The following WWTR1 variants were observed in gnomAD, a reference collection of about 807,000 sequenced individuals.
The protein encoded by WWTR1 is WW domain containing transcription regulator 1, also known as WW domain-containing transcription regulator protein 1.
WWTR1 carries 13 observed loss-of-function variants against 40.1 expected under a neutral mutation model. That is an observed-to-expected ratio of 0.32 (90% CI 0.21 to 0.52). The LOEUF is 0.52. WWTR1 is among the 20% of genes least tolerant of loss of function. The pLI is 0.97. For missense variants in WWTR1, 436 were observed against 523.1 expected (o/e 0.83, Z 1.63); for synonymous variants, 230 against 210.1 (o/e 1.09, Z -0.82).
At chr3:149,645,135 A>G (rs1313367996) in intron 2 of WWTR1, among the ~76,000 whole-genome samples, 3 of 104,282 alleles carry the variant, frequency 2.9e-5, no homozygotes, top group South Asian at 6.3e-4. Context: ...GCTGGAGTGC[A>G]GTGGCGCGAT....
At chr3:149,593,514 G>T (rs1290353128) in intron 2 of WWTR1, among the ~76,000 whole-genome samples, 1 of 152,038 alleles carries the variant, frequency 6.6e-6, no homozygotes. Flanking sequence ...CAGTGAAAAG[G>T]GTTGCTCTTT....
chr3:149,533,627 G>A (rs1289463807), intron 4 of WWTR1, among the ~76,000 whole-genome samples: 4 of 152,196 alleles, frequency 2.6e-5, no homozygotes, highest in Admixed American at 6.5e-5. Flanking sequence ...GCTTGGCACC[G>A]AAAAGGCAGC....
intron 2 of WWTR1, among the ~76,000 whole-genome samples, chr3:149,587,067 T>C (rs1412232376): frequency 6.6e-6 from 1 of 152,090 alleles, no homozygotes; most frequent in Non-Finnish European, 1.5e-5. Context: ...AGCAAATGGA[T>C]CAAATCCAAG....
At chr3:149,596,442 C>T (rs964717335) in intron 2 of WWTR1, among the ~76,000 whole-genome samples, 13 of 152,164 alleles carry the variant, frequency 8.5e-5, no homozygotes, top group African/African-American at 3.1e-4. Flanking sequence ...AGAAATCCCT[C>T]TGTAACCTGT....
Position 149,657,943 on chromosome 3 carries a change from C to T in WWTR1, c.-182G>A, listed in dbSNP as rs2108167143. The T allele has an allele frequency of 6.5e-6, 1 of 152,738 alleles. No homozygotes were observed. The highest frequency in any genetic ancestry group is 1.5e-5 in the Non-Finnish European group (1 of 68,370). 9.5% of individuals were successfully genotyped at this position (152,738 alleles called of 1,614,324 possible). On this transcript the variant is annotated 5_prime_UTR_variant, in exon 1 of 7. Coordinates refer to ENST00000360632, the MANE Select transcript of WWTR1 (RefSeq NM_015472.6). ...TCTAAGGGCTTCGGCTCTCACATCC[C>T]CCGAGCTGGCCTAAGGCGCTAGTGC...
At chr3:149,690,477 C>A (rs890215552) in intron 1 of WWTR1, among the ~76,000 whole-genome samples, 4 of 151,834 alleles carry the variant, frequency 2.6e-5, no homozygotes, top group African/African-American at 9.7e-5. Context: ...TATACTTAGA[C>A]AAAATAGATT....
chr3:149,521,287 A>C (rs1473022936), intron 6 of WWTR1, among the ~76,000 whole-genome samples: 2 of 152,236 alleles, frequency 1.3e-5, no homozygotes. Context: ...AAAAGAGTAG[A>C]GAGGCCTTGT....
intron 3 of WWTR1, among the ~76,000 whole-genome samples, chr3:149,547,111 A>G (rs1736398630): frequency 6.6e-6 from 1 of 152,114 alleles, no homozygotes. Flanking sequence ...AGAGAAAAAG[A>G]GAAACAAAGT....
At chr3:149,704,695 G>A (rs1255841791), upstream of WWTR1, among the ~76,000 whole-genome samples, 3 of 152,000 alleles carry the variant, frequency 2.0e-5, no homozygotes, top group Non-Finnish European at 4.4e-5. Flanking sequence ...CATAGAAATG[G>A]CCCAGACTGA....
At chr3:149,674,888 A>C (rs1343046686) in intron 1 of WWTR1, among the ~76,000 whole-genome samples, 1 of 152,218 alleles carries the variant, frequency 6.6e-6, no homozygotes, top group Non-Finnish European at 1.5e-5. Flanking sequence ...GTATGTTTGA[A>C]TGTTTTTCTG....
intron 2 of WWTR1, among the ~76,000 whole-genome samples, chr3:149,578,682 G>A (rs1738003990): frequency 6.6e-6 from 1 of 152,184 alleles, no homozygotes; most frequent in African/African-American, 2.4e-5. Flanking sequence ...TGGATCACCT[G>A]AGGTCGGGAG....
At chr3:149,675,290 G>C (rs1270918378) in intron 1 of WWTR1, among the ~76,000 whole-genome samples, 2 of 152,212 alleles carry the variant, frequency 1.3e-5, no homozygotes, top group Non-Finnish European at 1.5e-5. Context: ...TGAGATGTGA[G>C]ACGTCTGCTG....
upstream of WWTR1, chr3:149,659,672 T>G (rs1713482658): frequency 6.6e-6 from 1 of 152,136 alleles, no homozygotes; most frequent in Non-Finnish European, 1.5e-5. Context: ...AAAGTCGAAG[T>G]TAAAATCTGG....
rs370634233 is a variant in WWTR1, at chr3:149,676,922, C to CT, written c.-107-7032dup. On this transcript the variant is annotated intron_variant, in intron 1 of 7. Transcript: ENST00000465804. ...CAGTCAACTAGATAACCTTGAGACT[C>CT]TTTTTTTTTTTTTTAGACGGAGTTT... Among the ~76,000 whole-genome samples the CT allele has an allele frequency of 2.2e-3, 313 of 141,432 alleles. 3 individuals carry two copies. The highest frequency in any genetic ancestry group is 7.5e-3 in the Middle Eastern group (2 of 266). 92.8% of individuals were successfully genotyped at this position (141,432 alleles called of 152,430 possible). A position where few individuals can be genotyped will look rare whatever the true frequency, so the allele number is the denominator to read the frequency against.
intron 1 of WWTR1, among the ~76,000 whole-genome samples, chr3:149,697,851 A>T (rs569801234): frequency 6.6e-6 from 1 of 152,346 alleles, no homozygotes; most frequent in East Asian, 1.9e-4. Context: ...TTGGGTAAAC[A>T]TTCCTATTCC....
intron 2 of WWTR1, among the ~76,000 whole-genome samples, chr3:149,646,639 C>T (rs1323993687): frequency 6.6e-6 from 1 of 152,124 alleles, no homozygotes; most frequent in Non-Finnish European, 1.5e-5. Flanking sequence ...ATTTGGTAGA[C>T]CATGCATCAG....
In WWTR1 at chr3:149,547,484, C is replaced by T. The variant is rs181785563; in HGVS notation, c.569-4947G>A. 7.9e-5 allele frequency among the ~76,000 whole-genome samples: 12 copies of T among 152,134 alleles called. No homozygotes were observed. The East Asian group carries it at 2.3e-3, about 30-fold the overall frequency. ...GAGGTTGCAGTCACCCGAGATCACG[C>T]CATTGCACTCCAGCCTGAGCAACAA... On this transcript the variant is annotated intron_variant, in intron 3 of 6. Coordinates refer to ENST00000360632, the MANE Select transcript of WWTR1 (RefSeq NM_015472.6).
At chr3:149,681,677 T>A (rs1237217554) in intron 1 of WWTR1, among the ~76,000 whole-genome samples, 1 of 152,172 alleles carries the variant, frequency 6.6e-6, no homozygotes, top group Non-Finnish European at 1.5e-5. Context: ...AATTTAAATG[T>A]TCATCAATAG....
At position 149,568,548 on chromosome 3, in the gene WWTR1, A is replaced by AC. The variant is rs1248235618; in HGVS notation, c.568+4315_568+4316insG. Among the ~76,000 whole-genome samples, 15 of 136,240 alleles carry AC rather than the reference A, an allele frequency of 1.1e-4. No individual in the cohort carries two copies. In the South Asian group the frequency reaches 1.2e-3, roughly 11 times the overall value. 89.4% of individuals were successfully genotyped at this position (136,240 alleles called of 152,430 possible). A position where few individuals can be genotyped will look rare whatever the true frequency, so the allele number is the denominator to read the frequency against. ...CAAAAAAAAAAAAAAAAAAAAAAAA[A>AC]AAAAAAAAAAAACCATATTTTTGCA... On this transcript the variant is annotated intron_variant, in intron 3 of 6. Coordinates refer to ENST00000360632, the MANE Select transcript of WWTR1 (RefSeq NM_015472.6).
Sources: allele counts gnomAD v4.1 joint callset (sites outside exome capture counted in the v4.1 genomes callset), GRCh38; gene constraint gnomAD v4.1.1; transcripts MANE v1.5; gene names NCBI Gene and HGNC (gene_info 2026-07-23, HGNC 2026-07-21).